Variants in THSD7B observed in about 807,000 individuals in gnomAD.
The protein encoded by THSD7B is thrombospondin type-1 domain-containing protein 7B.
A neutral mutation model predicts 213.6 loss-of-function variants in THSD7B; 138 were observed. That is an observed-to-expected ratio of 0.65 (90% confidence interval 0.56 to 0.74). THSD7B has a LOEUF of 0.74. Ranked by LOEUF, THSD7B falls within the 30% of genes least tolerant of loss-of-function variation. The pLI is 0.00. For missense variants in THSD7B, 1,931 were observed against 1,991.5 expected, an observed-to-expected ratio of 0.97 and a Z score of 0.58; for synonymous variants, 742 against 687.0, an observed-to-expected ratio of 1.08 and a Z score of -1.25.
At chr2:137,034,002 A>G (rs1398288939) in intron 2 of THSD7B, among the ~76,000 whole-genome samples, 4 of 150,420 alleles carry the variant, frequency 2.7e-5, no homozygotes, top group Non-Finnish European at 5.9e-5. Flanking sequence ...CCCATGTCCA[A>G]GTGTTCTCAT....
intron 10 of THSD7B, among the ~76,000 whole-genome samples, chr2:137,269,111 T>C (rs980608435): frequency 2.6e-5 from 4 of 152,082 alleles, no homozygotes; most frequent in African/African-American, 9.7e-5. Flanking sequence ...CTGGTATTGT[T>C]TCCCTAGCTT....
rs574895529 is a variant in THSD7B at position 137,667,780 on chromosome 2, G to A, written c.4658G>A (p.Arg1553Gln). The part of the protein sequence containing the change: ...WSLQPLDPDG[R>Q]VKIWVYGVSG... ...TTATCTCTATTTTAAACAGATGGCC[G>A]AGTAAAAATTTGGGTTTATGGCGTT... The change falls in exon 27 of 28, where the codon CGA (arginine) becomes CAA (glutamine). Residue 1553 changes from arginine to glutamine, a missense_variant. By Grantham distance (43) the Arg-to-Gln change is conservative. Coordinates refer to ENST00000409968, the MANE Select transcript of THSD7B (RefSeq NM_001316349.2). 70 of 1,603,086 alleles carry A rather than the reference G, an allele frequency of 4.4e-5. No homozygotes were observed. In the Middle Eastern group the frequency reaches 1.2e-3, roughly 27 times the overall value.
chr2:136,781,521 C>T (rs936250284), intron 1 of THSD7B, among the ~76,000 whole-genome samples: 5 of 151,806 alleles, frequency 3.3e-5, no homozygotes, highest in South Asian at 2.1e-4. Flanking sequence ...ATCTGCCCTT[C>T]TCGGCCTCCC....
intron 13 of THSD7B, among the ~76,000 whole-genome samples, chr2:137,406,813 C>A (rs1321265384): frequency 1.3e-5 from 2 of 152,174 alleles, no homozygotes; most frequent in Admixed American, 6.5e-5. Context: ...GTACTTCATG[C>A]CCTATCTTCC....
At chr2:137,401,634 C>CTTTTTTT (rs35834967) in intron 12 of THSD7B, among the ~76,000 whole-genome samples, 3 of 132,680 alleles carry the variant, frequency 2.3e-5, no homozygotes, top group Non-Finnish European at 3.2e-5. Flanking sequence ...TTCTTTCTTT[C>CTTTTTTT]TTTTTTTTTT....
Position 137,642,651 on chromosome 2 carries a change from A to C in THSD7B, c.3945+18A>C, listed in dbSNP as rs757090773. On this transcript the variant is annotated intron_variant, in intron 21 of 27. Transcript: ENST00000409968. ...AATTGGAGGTAGGTCATGTAATGAC[A>C]GTTAGAGAAATATTCATCAGTATAT... 3 of 1,611,988 alleles carry C rather than the reference A, an allele frequency of 1.9e-6. No homozygotes were observed. The Admixed American group carries it at 5.0e-5, about 27-fold the overall frequency.
chr2:137,566,238 C>A (rs1248906885), intron 16 of THSD7B, among the ~76,000 whole-genome samples: 1 of 152,156 alleles, frequency 6.6e-6, no homozygotes, highest in East Asian at 1.9e-4. Context: ...TAGTGAATAA[C>A]ATTTTTGTCC....
chr2:137,402,152 A>T (rs1248665833), intron 12 of THSD7B, among the ~76,000 whole-genome samples: 1 of 152,222 alleles, frequency 6.6e-6, no homozygotes, highest in Non-Finnish European at 1.5e-5. Flanking sequence ...AATTCTCACT[A>T]GACTTTTTTA....
intron 17 of THSD7B, among the ~76,000 whole-genome samples, chr2:137,604,389 T>C (rs1451781046): frequency 6.6e-6 from 1 of 152,212 alleles, no homozygotes; most frequent in Non-Finnish European, 1.5e-5. Flanking sequence ...AACTACTCTA[T>C]AGCAGCAGTT....
intron 20 of THSD7B, among the ~76,000 whole-genome samples, chr2:137,634,955 CCTCA>C (rs1424338910): frequency 6.6e-6 from 1 of 152,044 alleles, no homozygotes; most frequent in East Asian, 1.9e-4. Flanking sequence ...CTGTATACCA[CCTCA>C]CTGTCTATTA....
chr2:137,421,945 T>G (rs1013891537), intron 14 of THSD7B, among the ~76,000 whole-genome samples: 6 of 152,228 alleles, frequency 3.9e-5, no homozygotes, highest in African/African-American at 1.4e-4. Flanking sequence ...TTTTACCTTA[T>G]TAGGTAGCAT....
At chr2:137,220,082 T>G (rs1307533373) in intron 7 of THSD7B, among the ~76,000 whole-genome samples, 2 of 152,190 alleles carry the variant, frequency 1.3e-5, no homozygotes, top group South Asian at 2.1e-4. Context: ...CTCTCTTTTT[T>G]TGTGTGTGTG....
chr2:137,084,892 T>C (rs1687809424), intron 3 of THSD7B, among the ~76,000 whole-genome samples: 1 of 152,188 alleles, frequency 6.6e-6, no homozygotes, highest in Non-Finnish European at 1.5e-5. Context: ...TTGGAAGCCT[T>C]AGGAATTATA....
chr2:136,898,936 C>T (rs548350143), intron 2 of THSD7B, among the ~76,000 whole-genome samples: 28 of 152,118 alleles, frequency 1.8e-4, no homozygotes, highest in South Asian at 1.2e-3. Flanking sequence ...CCACTGTGCC[C>T]GACTGGGAAC....
intron 4 of THSD7B, among the ~76,000 whole-genome samples, chr2:137,111,254 C>T (rs759003292): frequency 6.6e-6 from 1 of 152,168 alleles, no homozygotes; most frequent in Non-Finnish European, 1.5e-5. Context: ...TTTTTGTCTA[C>T]ACCCAGAACA....
At chr2:137,335,703 C>T (rs1463279) in intron 12 of THSD7B, among the ~76,000 whole-genome samples, 89,087 of 151,862 alleles carry the variant, frequency 0.59, 28,095 homozygotes, top group East Asian at 0.78. Context: ...TGCCCTTCGG[C>T]GCACTTTGAG....
intron 1 of THSD7B, among the ~76,000 whole-genome samples, chr2:136,830,821 T>G (rs1682741939): frequency 6.6e-6 from 1 of 152,208 alleles, no homozygotes; most frequent in East Asian, 1.9e-4. Flanking sequence ...TGCTTTTTGC[T>G]TAGTGCGTGC....
chr2:137,138,763 G>A (rs550861714), intron 5 of THSD7B, among the ~76,000 whole-genome samples: 18 of 152,064 alleles, frequency 1.2e-4, no homozygotes, highest in Non-Finnish European at 2.2e-4. Flanking sequence ...AAAATGTGTG[G>A]GAAACCACTG....
At chr2:137,075,587 G>A (rs967183336) in intron 3 of THSD7B, among the ~76,000 whole-genome samples, 3 of 152,098 alleles carry the variant, frequency 2.0e-5, no homozygotes, top group African/African-American at 4.8e-5. Flanking sequence ...CTCTCAACTC[G>A]TTAAAGTCAT....
Sources: gnomAD v4.1 joint callset for allele counts (sites outside exome capture counted in the v4.1 genomes callset) on GRCh38, gnomAD v4.1.1 for gene constraint, MANE v1.5 for transcripts, NCBI Gene and HGNC (gene_info 2026-07-23, HGNC 2026-07-21) for gene names.